Variants in SLC4A5 observed in about 807,000 individuals in gnomAD.
The protein encoded by SLC4A5 is solute carrier family 4 member 5.
SLC4A5 carries 96 observed loss-of-function variants against 120.4 expected under a neutral mutation model. The observed-to-expected ratio is 0.80, with a 90% CI of 0.68 to 0.94. The LOEUF (loss-of-function observed/expected upper bound fraction) is 0.94. Among genes scored for constraint, SLC4A5 ranks in the 40% least tolerant of loss-of-function variants. The probability of loss-of-function intolerance (pLI) is 0.00; values close to 1 mark genes in which losing one functional copy is unlikely to be tolerated. For synonymous variants in SLC4A5, 550 were observed against 571.1 expected, an observed-to-expected ratio of 0.96 and a Z score of 0.53; for missense variants, 1,259 against 1,459.5, an observed-to-expected ratio of 0.86 and a Z score of 2.24.
chr2:74,329,587 T>TCAAACAAA (rs139635951), intron 4 of SLC4A5, among the ~76,000 whole-genome samples: 20 of 150,992 alleles, frequency 1.3e-4, no homozygotes, highest in African/African-American at 4.4e-4. Context: ...AGGCTCCATC[T>TCAAACAAA]CAAACAAACA....
chr2:74,249,050 G>A (rs150592573), intron 17 of SLC4A5, among the ~76,000 whole-genome samples: 39 of 152,260 alleles, frequency 2.6e-4, no homozygotes, highest in African/African-American at 7.9e-4. Context: ...TGCTGTGGAG[G>A]GTCTGTCCTG....
intron 3 of SLC4A5, among the ~76,000 whole-genome samples, chr2:74,335,095 A>ATCC (rs1302748537): frequency 2.0e-5 from 3 of 152,172 alleles, no homozygotes; most frequent in Non-Finnish European, 4.4e-5. Flanking sequence ...CAGATTATGT[A>ATCC]TCCTCCACTT....
At chr2:74,222,445 A>G (rs768745703) in intron 29 of SLC4A5, among the ~76,000 whole-genome samples, 21 of 152,182 alleles carry the variant, frequency 1.4e-4, no homozygotes, top group Admixed American at 8.5e-4. Flanking sequence ...AAGGTCTTCT[A>G]GCGCAGGGGT....
intron 7 of SLC4A5, among the ~76,000 whole-genome samples, chr2:74,286,935 A>G (rs1652615536): frequency 2.0e-5 from 3 of 152,164 alleles, no homozygotes; most frequent in Non-Finnish European, 2.9e-5. Context: ...CAAAGTGGTG[A>G]CCAATGCCAT....
At chr2:74,309,316 T>C (rs991883221) in intron 6 of SLC4A5, among the ~76,000 whole-genome samples, 24 of 152,346 alleles carry the variant, frequency 1.6e-4, no homozygotes, top group African/African-American at 5.5e-4. Context: ...CTTTGTGTCT[T>C]TGTCAAAGAT....
Position 74,227,143 on chromosome 2 carries a change from C to G in SLC4A5, c.2917-13G>C. 1.3e-6 allele frequency: 2 copies of G among 1,596,698 alleles called. No individual in the cohort carries two copies. The highest frequency in any genetic ancestry group is 1.1e-5 in the South Asian group (1 of 89,474). On this transcript the variant is annotated splice_polypyrimidine_tract_variant and intron_variant, in intron 26 of 30. Transcript: ENST00000394019. ...AGCGTTCCCAGAACTAGGGGGACAG[C>G]GGGGGCTCAGCCAGGCAGCCAGACC...
At chr2:74,259,328 C>G (rs556656212) in intron 12 of SLC4A5, among the ~76,000 whole-genome samples, 1 of 152,318 alleles carries the variant, frequency 6.6e-6, no homozygotes, top group East Asian at 1.9e-4. Flanking sequence ...TCAAGGACAG[C>G]TGGCGCCTCA....
Position 74,242,020 on chromosome 2 carries a change from A to G in SLC4A5, c.2092T>C (p.Leu698=), listed in dbSNP as rs201932396. The change falls in exon 20 of 31, where the codon TTG becomes CTG. Residue 698 remains leucine, a synonymous_variant. Transcript: ENST00000394019. ...AGAGAAGCGTTGGTGTCTGGTGCCA[A>G]TGGGGCTGAAGCATTGAACACGGTT... 260 of 1,606,706 alleles carry G rather than the reference A, an allele frequency of 1.6e-4. No individual in the cohort carries two copies. The highest frequency in any genetic ancestry group is 2.1e-4 in the Non-Finnish European group (246 of 1,175,126).
At chr2:74,314,240 C>T (rs905584080) in intron 6 of SLC4A5, among the ~76,000 whole-genome samples, 6 of 152,236 alleles carry the variant, frequency 3.9e-5, no homozygotes, top group Admixed American at 1.3e-4. Flanking sequence ...TTGCCCTCCC[C>T]CAAGTCTACA....
intron 5 of SLC4A5, among the ~76,000 whole-genome samples, chr2:74,315,232 G>A (rs1488976775): frequency 6.6e-6 from 1 of 151,750 alleles, no homozygotes; most frequent in Admixed American, 6.6e-5. Flanking sequence ...CTGAGGTCAG[G>A]AGTTCGAGAC....
chr2:74,216,497 A>G (rs1694449427), exon 31 of SLC4A5: 1 of 152,242 alleles, frequency 6.6e-6, no homozygotes, highest in Admixed American at 6.5e-5. Context: ...CTACAATTTA[A>G]TTTGGACAAA....
chr2:74,251,757 C>G (rs932041355), intron 16 of SLC4A5, among the ~76,000 whole-genome samples: 4 of 152,176 alleles, frequency 2.6e-5, no homozygotes, highest in African/African-American at 9.7e-5. Flanking sequence ...GGACTGCTGG[C>G]CACCACCAGA....
At chr2:74,309,080 A>ATT (rs112753220) in intron 6 of SLC4A5, among the ~76,000 whole-genome samples, 123 of 144,376 alleles carry the variant, frequency 8.5e-4, no homozygotes, top group African/African-American at 2.9e-3. Flanking sequence ...ACACCCAGCT[A>ATT]TTTTTTTTTT....
In SLC4A5 at chr2:74,264,489, CGTGT is replaced by C. The variant is rs59538523; in HGVS notation, c.563-194_563-191del. On this transcript the variant is annotated intron_variant, in intron 9 of 30. Coordinates refer to ENST00000394019, the Ensembl canonical transcript of SLC4A5. ...CTTGGCCTCCTCCTGTTCAAGGGCA[CGTGT>C]GTGTGTGTGTGTGTGTGTGTGTGTG... Among the ~76,000 whole-genome samples the C allele has an allele frequency of 7.1e-4, 102 of 143,728 alleles. 1 individual carries two copies. The highest frequency in any genetic ancestry group is 6.1e-3 in the East Asian group (29 of 4,758). The allele number at this position is 143,728 out of a possible 152,430, so 94.3% of individuals were successfully genotyped here.
intron 4 of SLC4A5, among the ~76,000 whole-genome samples, chr2:74,328,706 C>T (rs1673278055): frequency 6.6e-6 from 1 of 152,198 alleles, no homozygotes; most frequent in Admixed American, 6.5e-5. Flanking sequence ...CTCAAAATTA[C>T]AGCTCACTTT....
intron 6 of SLC4A5, among the ~76,000 whole-genome samples, chr2:74,314,273 A>G (rs1468072208): frequency 2.0e-5 from 3 of 151,714 alleles, no homozygotes; most frequent in Non-Finnish European, 4.4e-5. Context: ...GCTCTACAAG[A>G]CCTCTCCTCT....
intron 7 of SLC4A5, among the ~76,000 whole-genome samples, chr2:74,293,864 T>C (rs956493913): frequency 5.3e-5 from 8 of 152,204 alleles, no homozygotes; most frequent in African/African-American, 1.9e-4. Flanking sequence ...GAGTACCTTC[T>C]TGAAAACCAT....
At chr2:74,327,719 T>C (rs983469908) in intron 5 of SLC4A5, among the ~76,000 whole-genome samples, 9 of 152,136 alleles carry the variant, frequency 5.9e-5, no homozygotes, top group African/African-American at 2.2e-4. Context: ...AGTCTCAGGG[T>C]TTTTGCTACT....
intron 8 of SLC4A5, among the ~76,000 whole-genome samples, chr2:74,284,152 T>A (rs994420773): frequency 2.4e-5 from 3 of 122,670 alleles, no homozygotes; most frequent in Non-Finnish European, 4.6e-5. Flanking sequence ...CTAGCCCTTA[T>A]TCCTTATTTC....
Sources: allele counts gnomAD v4.1 joint callset (sites outside exome capture counted in the v4.1 genomes callset), GRCh38; gene constraint gnomAD v4.1.1; transcripts MANE v1.5; gene names NCBI Gene and HGNC (gene_info 2026-07-23, HGNC 2026-07-21).